RNF212B: variants seen among roughly 807,000 people sequenced by gnomAD.
The protein encoded by RNF212B is E3 ubiquitin-protein ligase RNF212B.
Under a neutral mutation model 55.5 loss-of-function variants are expected in RNF212B, and 52 were observed. That is an observed-to-expected ratio of 0.94 (90% CI 0.75 to 1.18). The LOEUF (loss-of-function observed/expected upper bound fraction) is 1.18, where lower values mean the gene tolerates loss of function less well. RNF212B is among the 50% of genes most tolerant of loss of function. The pLI is 0.00. For missense variants in RNF212B, 289 were observed against 350.4 expected (o/e 0.82, Z 1.40); for synonymous variants, 99 against 121.4 (o/e 0.82, Z 1.21).
At chr14:23,250,113 G>T (rs1884293391) in intron 4 of RNF212B, among the ~76,000 whole-genome samples, 1 of 152,128 alleles carries the variant, frequency 6.6e-6, no homozygotes, top group Admixed American at 6.6e-5. Context: ...GGCAGATTCA[G>T]TTCTTTGCAG....
intron 11 of RNF212B, 113 bp downstream of exon 11, chr14:23,264,784 C>A: frequency 3.9e-6 from 2 of 509,996 alleles, no homozygotes; most frequent in Non-Finnish European, 6.2e-6. Flanking sequence ...TTTTTCCTGA[C>A]AGTGATTCCA....
chr14:23,258,231 G>A (rs938456441), intron 4 of RNF212B, among the ~76,000 whole-genome samples: 4 of 152,028 alleles, frequency 2.6e-5, no homozygotes, highest in South Asian at 2.1e-4. Flanking sequence ...CCAGCTATTC[G>A]GGAGGCTGAG....
At chr14:23,270,435 C>T (rs77433216) in intron 13 of RNF212B, among the ~76,000 whole-genome samples, 165 bp from the exon 14 acceptor site, 2,205 of 152,336 alleles carry the variant, frequency 0.014, 27 homozygotes, top group Middle Eastern at 0.02. Flanking sequence ...ACCTGGTCCT[C>T]ACAGGAAAAG....
chr14:23,269,984 G>A (rs1158775760), intron 13 of RNF212B, 24 bp downstream of exon 13: 11 of 1,244,066 alleles, frequency 8.8e-6, no homozygotes, highest in East Asian at 7.6e-5. Context: ...CATTTCCAAA[G>A]GAATGGAGCT....
chr14:23,218,478 T>C (rs745986394), intron 2 of RNF212B, among the ~76,000 whole-genome samples: 1 of 151,652 alleles, frequency 6.6e-6, no homozygotes, highest in Non-Finnish European at 1.5e-5. Context: ...ATTAGTGAGT[T>C]TGAAGACAAG....
chr14:23,259,923 G>C lies in RNF212B; in HGVS notation c.384G>C (p.Lys128Asn). ...SVLRKENGEL[K>N]KFLAILKESP... ...TAAGGAAGGAGAATGGAGAACTGAA[G>C]AAATTTCTAGCCATTCTAAAGGTGA... The change falls in exon 6 of 15, where the codon AAG becomes AAC. Residue 128 changes from lysine (K) to asparagine (N), a missense_variant. Coordinates refer to ENST00000430154, the MANE Select transcript of RNF212B (RefSeq NM_001282322.3). 1 of 1,511,312 alleles carries C rather than the reference G, an allele frequency of 6.6e-7. No homozygotes were observed. 93.6% of individuals were successfully genotyped at this position (1,511,312 alleles called of 1,614,324 possible).
intron 2 of RNF212B, among the ~76,000 whole-genome samples, chr14:23,210,918 T>C (rs1396600692): frequency 1.3e-5 from 2 of 151,964 alleles, no homozygotes; most frequent in Non-Finnish European, 2.9e-5. Flanking sequence ...AAAGCTATTT[T>C]ACAAAAAGAT....
At chr14:23,246,421 G>A (rs1466367315) in intron 4 of RNF212B, among the ~76,000 whole-genome samples, 1 of 152,092 alleles carries the variant, frequency 6.6e-6, no homozygotes, top group African/African-American at 2.4e-5. Flanking sequence ...TGGGAAAACT[G>A]TTGATGTAGA....
chr14:23,197,618 A>G (rs1479103358), intron 2 of RNF212B, among the ~76,000 whole-genome samples: 2 of 151,972 alleles, frequency 1.3e-5, no homozygotes, highest in South Asian at 2.1e-4. Flanking sequence ...ATTAAAAAAT[A>G]ATAAAAAATA....
intron 2 of RNF212B, among the ~76,000 whole-genome samples, chr14:23,207,905 C>G (rs1880003658): frequency 6.6e-6 from 1 of 152,106 alleles, no homozygotes; most frequent in East Asian, 1.9e-4. Context: ...CAACTTGAAG[C>G]AAAGGTAGGC....
chr14:23,221,702 G>T (rs562250893), intron 2 of RNF212B, among the ~76,000 whole-genome samples: 68 of 152,080 alleles, frequency 4.5e-4, no homozygotes, highest in African/African-American at 1.6e-3. Context: ...TCTTTTTAGC[G>T]CATGGGTAAT....
chr14:23,243,717 AAAG>A (rs1883781028), intron 3 of RNF212B, among the ~76,000 whole-genome samples: 1 of 116,822 alleles, frequency 8.6e-6, no homozygotes, highest in Non-Finnish European at 1.7e-5. Flanking sequence ...AAAAAAAAAA[AAAG>A]CAAGCAAGCA....
At chr14:23,192,992 T>C (rs1878262907) in intron 1 of RNF212B, among the ~76,000 whole-genome samples, 1 of 150,048 alleles carries the variant, frequency 6.7e-6, no homozygotes, top group South Asian at 2.1e-4. Flanking sequence ...CTAGGGAGGC[T>C]GAGGCAGGAG....
intron 2 of RNF212B, among the ~76,000 whole-genome samples, chr14:23,197,576 C>A (rs2140363374): frequency 6.6e-6 from 1 of 151,368 alleles, no homozygotes; most frequent in South Asian, 2.1e-4. Flanking sequence ...ATTAAATAAG[C>A]AAATTAAAAA....
At chr14:23,185,823 G>T (rs1877535836) in intron 1 of RNF212B, among the ~76,000 whole-genome samples, 1 of 152,172 alleles carries the variant, frequency 6.6e-6, no homozygotes, top group African/African-American at 2.4e-5. Flanking sequence ...AAAGGGGCTG[G>T]GCACGGTGGC....
chr14:23,247,352 C>A (rs980613012), intron 4 of RNF212B, among the ~76,000 whole-genome samples: 9 of 152,078 alleles, frequency 5.9e-5, no homozygotes, highest in African/African-American at 1.9e-4. Context: ...GCCTAATTTT[C>A]AAACATTTTC....
chr14:23,226,487 C>A (rs918389360), intron 2 of RNF212B, among the ~76,000 whole-genome samples: 1 of 151,054 alleles, frequency 6.6e-6, no homozygotes, highest in African/African-American at 2.4e-5. Flanking sequence ...AAAAATTAGC[C>A]GGACATGGCG....
rs550604288 is a variant in RNF212B, at chr14:23,272,921, T to C, written c.*30T>C. On this transcript the variant is annotated 3_prime_UTR_variant, in exon 15 of 15. Coordinates refer to ENST00000430154, the MANE Select transcript of RNF212B (RefSeq NM_001282322.3). ...TCTTCAAGATCTGATCTATACATGC[T>C]GCTGAAGGATGGACTGTAGCTTCCA... 6 of 1,323,140 alleles carry C rather than the reference T, an allele frequency of 4.5e-6. No homozygotes were observed. The highest frequency in any genetic ancestry group is 6.3e-6 in the Non-Finnish European group (6 of 958,350). The allele number at this position is 1,323,140 out of a possible 1,614,324, so 82.0% of individuals were successfully genotyped here.
At chr14:23,241,872 G>A (rs1231270983) in intron 2 of RNF212B, among the ~76,000 whole-genome samples, 2 of 151,136 alleles carry the variant, frequency 1.3e-5, no homozygotes, top group South Asian at 2.1e-4. Context: ...TCACAAGGTC[G>A]GGAGATTGAG....
Sources: gnomAD v4.1 joint callset for allele counts (sites outside exome capture counted in the v4.1 genomes callset) on GRCh38, gnomAD v4.1.1 for gene constraint, MANE v1.5 for transcripts, NCBI Gene and HGNC (gene_info 2026-07-23, HGNC 2026-07-21) for gene names.